Variants in EYS observed in about 807,000 individuals in gnomAD.
EYS encodes the protein protein eyes shut homolog.
A neutral mutation model predicts 282.1 loss-of-function variants in EYS; 250 were observed. That is an observed-to-expected ratio of 0.89 (90% CI 0.80 to 0.98). EYS has a LOEUF of 0.98. Among genes scored for constraint, EYS ranks in the 50% least tolerant of loss-of-function variants. EYS has a pLI of 0.00. For synonymous variants in EYS, 1,355 were observed against 1,282.9 expected, an observed-to-expected ratio of 1.06 and a Z score of -1.20; for missense variants, 4,016 against 3,709.0, an observed-to-expected ratio of 1.08 and a Z score of -2.15.
chr6:64,008,257 T>C (rs886087435), intron 33 of EYS, among the ~76,000 whole-genome samples: 1 of 152,174 alleles, frequency 6.6e-6, no homozygotes, highest in Admixed American at 6.5e-5. Flanking sequence ...TGATCATTAT[T>C]GGCTTGAAGT....
At chr6:65,610,152 TC>T (rs1765943921) in intron 2 of EYS, among the ~76,000 whole-genome samples, 1 of 152,022 alleles carries the variant, frequency 6.6e-6, no homozygotes, top group African/African-American at 2.4e-5. Flanking sequence ...AGTGAACCTT[TC>T]CCCTTAGACT....
In EYS at chr6:64,439,343, C is replaced by T; in HGVS notation, c.5654G>A (p.Cys1885Tyr). Residue 1885 changes from cysteine (C) to tyrosine (Y), a missense_variant, in exon 27 of 43, where the codon TGT (cysteine) becomes TAT (tyrosine). Physicochemically the swap from Cys to Tyr is radical, Grantham distance 194. Transcript: ENST00000503581. ...ATAAGAATCTCCATAATAACGAACA[C>T]AACTGAAATCTGTGGAGTCAGAAAG... ...PQRLMISDFS[C>Y]VRYYGDSYLE... 6.7e-7 allele frequency: 1 copy of T among 1,493,296 alleles called. No homozygotes were observed. Among genetic ancestry groups the T allele is most frequent in the African/African-American group, 1.4e-5 (1 of 69,126 alleles). The allele number at this position is 1,493,296 out of a possible 1,614,324, so 92.5% of individuals were successfully genotyped here.
At chr6:65,506,647 A>T (rs1038820554) in intron 2 of EYS, among the ~76,000 whole-genome samples, 31 of 146,518 alleles carry the variant, frequency 2.1e-4, no homozygotes, top group African/African-American at 7.2e-4. Context: ...CAGACTATGA[A>T]TTTTTTTTTT....
chr6:65,518,190 A>G (rs563578084), intron 2 of EYS, among the ~76,000 whole-genome samples: 33 of 152,128 alleles, frequency 2.2e-4, no homozygotes, highest in Non-Finnish European at 4.1e-4. Context: ...GCATTCTGTT[A>G]TCAGTGCCTG....
intron 21 of EYS, among the ~76,000 whole-genome samples, chr6:64,818,327 A>T (rs527605269): frequency 6.6e-6 from 1 of 152,234 alleles, no homozygotes; most frequent in African/African-American, 2.4e-5. Flanking sequence ...ATTAATTCTA[A>T]TTTTTAAAGC....
At chr6:65,173,119 C>T (rs909639278) in intron 12 of EYS, among the ~76,000 whole-genome samples, 6 of 151,360 alleles carry the variant, frequency 4.0e-5, no homozygotes, top group African/African-American at 1.4e-4. Flanking sequence ...CAGCAGATTC[C>T]ATCATGTTGG....
chr6:64,158,495 G>T (rs1054645280), intron 31 of EYS, among the ~76,000 whole-genome samples: 9 of 152,282 alleles, frequency 5.9e-5, no homozygotes, highest in African/African-American at 2.2e-4. Flanking sequence ...GACTCTCAGT[G>T]ATATGCATTG....
chr6:64,174,908 G>C lies in EYS; in HGVS notation c.6424+55684C>G, dbSNP rs1764582955. ...TAATCATGAGTTAATAAGAACTCAT[G>C]TTGGATTTCAAGAGTTTTTTTTCTA... is the stretch of plus-strand genomic sequence containing the variant. On this transcript the variant is annotated intron_variant, in intron 31 of 42. Coordinates refer to ENST00000503581, the MANE Select transcript of EYS (RefSeq NM_001142800.2). Among the ~76,000 whole-genome samples the C allele has an allele frequency of 2.0e-5, 3 of 152,030 alleles. No individual in the cohort carries two copies. In the South Asian group the frequency reaches 6.2e-4, roughly 31 times the overall value.
intron 15 of EYS, among the ~76,000 whole-genome samples, chr6:64,932,774 AAAT>A (rs1445539906): frequency 6.6e-6 from 1 of 152,048 alleles, no homozygotes; most frequent in Admixed American, 6.6e-5. Context: ...TTAGTTCCAA[AAAT>A]CTAAGAAAAA....
At chr6:65,349,319 C>T (rs1160984748) in intron 9 of EYS, among the ~76,000 whole-genome samples, 1 of 151,430 alleles carries the variant, frequency 6.6e-6, no homozygotes, top group Non-Finnish European at 1.5e-5. Flanking sequence ...TTGCAGAGTA[C>T]ACTTGGCTTT....
At chr6:65,382,705 T>C (rs1220862069) in intron 8 of EYS, among the ~76,000 whole-genome samples, 2 of 151,944 alleles carry the variant, frequency 1.3e-5, no homozygotes, top group African/African-American at 2.4e-5. Context: ...AGTCCAATGT[T>C]CGAGAGCAGG....
At chr6:64,453,320 C>G (rs533051636) in intron 26 of EYS, among the ~76,000 whole-genome samples, 2 of 152,130 alleles carry the variant, frequency 1.3e-5, no homozygotes, top group African/African-American at 2.4e-5. Context: ...CCATCTCACA[C>G]CAGTTAGAAT....
At chr6:65,475,733 CCT>C (rs1338988155) in intron 5 of EYS, among the ~76,000 whole-genome samples, 2 of 146,370 alleles carry the variant, frequency 1.4e-5, no homozygotes, top group East Asian at 2.0e-4. Context: ...TTTTGTACCC[CCT>C]GACAGACAGA....
At chr6:64,615,578 C>T (rs1294762918) in intron 24 of EYS, among the ~76,000 whole-genome samples, 2 of 152,056 alleles carry the variant, frequency 1.3e-5, no homozygotes, top group Non-Finnish European at 2.9e-5. Flanking sequence ...AGAGTAAATA[C>T]ATACTGCTAT....
chr6:63,884,835 C>CT lies in EYS; in HGVS notation c.7056-20478dup, dbSNP rs58381750. The stretch of plus-strand genomic sequence containing the variant: ...GGCGGAATCTTTCTTCTTCAATACA[C>CT]TTTTTTTTTTGAAAATGTACCTTTT... On this transcript the variant is annotated intron_variant, in intron 35 of 42. Transcript: ENST00000503581. Among the ~76,000 whole-genome samples the CT allele has an allele frequency of 5.1e-3, 764 of 148,992 alleles. 2 individuals carry two copies. The highest frequency in any genetic ancestry group is 0.027 in the Middle Eastern group (8 of 294).
intron 22 of EYS, among the ~76,000 whole-genome samples, chr6:64,713,935 T>C (rs1157553941): frequency 6.6e-6 from 1 of 152,204 alleles, no homozygotes; most frequent in Non-Finnish European, 1.5e-5. Context: ...GGCATTATGT[T>C]CCAATATATG....
At chr6:64,426,318 T>C (rs948193965) in intron 28 of EYS, among the ~76,000 whole-genome samples, 6 of 152,176 alleles carry the variant, frequency 3.9e-5, no homozygotes, top group Non-Finnish European at 5.9e-5. Flanking sequence ...ATTTATCAGT[T>C]TGAATGACAA....
intron 22 of EYS, among the ~76,000 whole-genome samples, chr6:64,634,558 A>AAAC (rs1767905564): frequency 6.6e-6 from 1 of 151,866 alleles, no homozygotes; most frequent in African/African-American, 2.4e-5. Context: ...AAAAAAAAAA[A>AAAC]AAAAGAGCCC....
chr6:64,812,175 C>G (rs1764616804), intron 22 of EYS, among the ~76,000 whole-genome samples: 1 of 151,178 alleles, frequency 6.6e-6, no homozygotes, highest in Non-Finnish European at 1.5e-5. Context: ...TTTTATCAAT[C>G]TACAAAAGTA....
Sources: gnomAD v4.1 joint callset for allele counts (sites outside exome capture counted in the v4.1 genomes callset) on GRCh38, gnomAD v4.1.1 for gene constraint, MANE v1.5 for transcripts, NCBI Gene and HGNC (gene_info 2026-07-23, HGNC 2026-07-21) for gene names.